Variants in CHMP2B observed in about 807,000 individuals in gnomAD.
The protein encoded by CHMP2B is charged multivesicular body protein 2B, also known as VPS2 homolog B.
In CHMP2B, 22 loss-of-function variants were observed where a neutral mutation model predicts 29.8. The observed-to-expected ratio is 0.74, with a 90% CI of 0.53 to 1.05. CHMP2B has a LOEUF of 1.05. Ranked by LOEUF, CHMP2B falls within the 50% of genes least tolerant of loss-of-function variation. CHMP2B has a pLI of 0.00. For missense variants in CHMP2B, 261 were observed against 252.2 expected (o/e 1.03, Z -0.24); for synonymous variants, 78 against 75.8 (o/e 1.03, Z -0.15).
At chr3:87,245,597 C>T (rs2106908028) in intron 2 of CHMP2B, 117 bp from the exon 3 acceptor site, 1 of 826,586 alleles carries the variant, frequency 1.2e-6, no homozygotes, top group Non-Finnish European at 1.9e-6. Flanking sequence ...GCTTCTTCCC[C>T]TCTTCATGAT....
intron 2 of CHMP2B, among the ~76,000 whole-genome samples, chr3:87,241,328 C>A (rs922681536): frequency 3.9e-5 from 6 of 152,096 alleles, no homozygotes; most frequent in African/African-American, 1.2e-4. Flanking sequence ...ATAAACTGTA[C>A]ATATTTCAGG....
intron 1 of CHMP2B, 137 bp downstream of exon 1, chr3:87,227,693 G>A: frequency 9.1e-7 from 1 of 1,104,274 alleles, no homozygotes; most frequent in South Asian, 1.2e-5. Flanking sequence ...CGCCCTCGCG[G>A]CACCACTTCT....
rs368497756 is a variant in CHMP2B, at chr3:87,231,737, C to T, written c.34+4181C>T. Among the ~76,000 whole-genome samples, 12 of 152,232 alleles carry T rather than the reference C, an allele frequency of 7.9e-5. No individual in the cohort carries two copies. The South Asian group carries it at 2.5e-3, about 32-fold the overall frequency. ...TCTCCCATACTCTTTCTCACCCTGA[C>T]ATATTTTTGCTTTTGATGCCCTTAT... On this transcript the variant is annotated intron_variant, in intron 1 of 5. Transcript: ENST00000263780.
At chr3:87,230,574 C>T (rs549961505) in intron 1 of CHMP2B, among the ~76,000 whole-genome samples, 1 of 152,232 alleles carries the variant, frequency 6.6e-6, no homozygotes, top group Non-Finnish European at 1.5e-5. Context: ...ACTTTTCTTT[C>T]GGAATTAGTG....
intron 1 of CHMP2B, among the ~76,000 whole-genome samples, chr3:87,229,085 T>C (rs1705862342): frequency 1.3e-5 from 2 of 152,166 alleles, no homozygotes; most frequent in Non-Finnish European, 2.9e-5. Context: ...AGAGTTAATT[T>C]TTTTTTAACA....
At chr3:87,252,914 A>G (rs935098102) in intron 4 of CHMP2B, 2 of 159,516 alleles carry the variant, frequency 1.3e-5, no homozygotes, top group African/African-American at 4.8e-5. Flanking sequence ...GGCAAATTTA[A>G]TAAAATATTG....
At chr3:87,238,668 A>G (rs543547301) in intron 1 of CHMP2B, among the ~76,000 whole-genome samples, 2 of 152,226 alleles carry the variant, frequency 1.3e-5, no homozygotes, top group Non-Finnish European at 2.9e-5. Flanking sequence ...ACTCCATTGT[A>G]TTTATATACC....
intron 1 of CHMP2B, among the ~76,000 whole-genome samples, chr3:87,233,333 C>CT (rs1705938990): frequency 6.6e-6 from 1 of 152,206 alleles, no homozygotes; most frequent in African/African-American, 2.4e-5. Context: ...CCCACTCTCA[C>CT]TGTCATTTTC....
rs200792883 is a variant in CHMP2B at position 87,245,793 on chromosome 3, G to A, written c.206G>A (p.Arg69Gln). The A allele has an allele frequency of 1.1e-4, 172 of 1,613,576 alleles. No homozygotes were observed. Among genetic ancestry groups the A allele is most frequent in the Non-Finnish European group, 1.3e-4 (158 of 1,179,846 alleles). Residue 69 changes from arginine to glutamine, a missense_variant, in exon 3 of 6, where the codon CGG becomes CAG. Transcript: ENST00000263780. ...KVLAKQLVHLRKQKTRTFAVS... is the reference protein window; with the variant it reads ...KVLAKQLVHLQKQKTRTFAVS... ...TTAGCCAAACAACTTGTGCATCTAC[G>A]GAAACAGAAGACGAGAACTTTTGCT...
At chr3:87,238,712 G>T (rs1468227102) in intron 1 of CHMP2B, among the ~76,000 whole-genome samples, 1 of 151,992 alleles carries the variant, frequency 6.6e-6, no homozygotes, top group Admixed American at 6.6e-5. Context: ...CTTTGTGATC[G>T]TTTGGGTTAT....
At chr3:87,230,519 CT>C (rs572376769) in intron 1 of CHMP2B, among the ~76,000 whole-genome samples, 2 of 152,126 alleles carry the variant, frequency 1.3e-5, no homozygotes, top group Non-Finnish European at 2.9e-5. Context: ...GAATTCTCAA[CT>C]TTTGGTAGAT....
At chr3:87,247,806 G>A (rs1036269411) in intron 3 of CHMP2B, among the ~76,000 whole-genome samples, 1 of 152,152 alleles carries the variant, frequency 6.6e-6, no homozygotes, top group African/African-American at 2.4e-5. Flanking sequence ...CGCAGAGTAG[G>A]TTGATTATAC....
At chr3:87,243,128 C>T (rs2106905088) in intron 2 of CHMP2B, among the ~76,000 whole-genome samples, 1 of 152,152 alleles carries the variant, frequency 6.6e-6, no homozygotes, top group East Asian at 1.9e-4. Context: ...ATTTAGATCT[C>T]CATTTATTTA....
intron 1 of CHMP2B, among the ~76,000 whole-genome samples, chr3:87,232,593 A>G (rs1469767631): frequency 1.3e-5 from 2 of 152,184 alleles, no homozygotes; most frequent in African/African-American, 4.8e-5. Context: ...CCCTACTTTT[A>G]GAATAGATAT....
At chr3:87,245,963 T>G in intron 3 of CHMP2B, 55 bp downstream of exon 3, 3 of 1,424,132 alleles carry the variant, frequency 2.1e-6, no homozygotes, top group Non-Finnish European at 3.0e-6. Context: ...GATATTTAAA[T>G]ATCAATATTG....
At chr3:87,250,027 T>C in intron 4 of CHMP2B, 50 bp downstream of exon 4, 3 of 1,129,520 alleles carry the variant, frequency 2.7e-6, no homozygotes, top group Non-Finnish European at 3.9e-6. Context: ...ATCTTTGAAT[T>C]AGCCATTTAT....
chr3:87,243,708 C>T (rs1228555856), intron 2 of CHMP2B, among the ~76,000 whole-genome samples: 1 of 152,060 alleles, frequency 6.6e-6, no homozygotes, highest in African/African-American at 2.4e-5. Flanking sequence ...ATTGAATGAG[C>T]TTTGGTGGCT....
chr3:87,248,173 CTG>C (rs1485029716), intron 3 of CHMP2B, among the ~76,000 whole-genome samples: 1 of 151,688 alleles, frequency 6.6e-6, no homozygotes, highest in East Asian at 2.0e-4. Context: ...TGGTGGGCAA[CTG>C]TAATCCCAGC....
At chr3:87,239,216 A>T (rs900720864) in intron 1 of CHMP2B, among the ~76,000 whole-genome samples, 2 of 152,036 alleles carry the variant, frequency 1.3e-5, no homozygotes, top group Admixed American at 6.6e-5. Flanking sequence ...CTCTTATTCT[A>T]TAGGTTGTCT....
Sources: gnomAD v4.1 joint callset for allele counts (sites outside exome capture counted in the v4.1 genomes callset) on GRCh38, gnomAD v4.1.1 for gene constraint, MANE v1.5 for transcripts, NCBI Gene and HGNC (gene_info 2026-07-23, HGNC 2026-07-21) for gene names.